PNLIPRP1: variants seen among roughly 807,000 people sequenced by gnomAD.
PNLIPRP1 encodes inactive pancreatic lipase-related protein 1.
In PNLIPRP1, 57 loss-of-function variants were observed where a neutral mutation model predicts 54.6. That is an observed-to-expected ratio of 1.04 (90% CI 0.84 to 1.30). The LOEUF (loss-of-function observed/expected upper bound fraction) is 1.30, where lower values mean the gene tolerates loss of function less well. Among genes scored for constraint, PNLIPRP1 ranks in the 50% most tolerant of loss-of-function variants. The pLI is 0.00. For synonymous variants in PNLIPRP1, 232 were observed against 208.8 expected (o/e 1.11, Z -0.96); for missense variants, 567 against 568.5 (o/e 1.00, Z 0.03).
At position 116,604,081 on chromosome 10, in the gene PNLIPRP1, A is replaced by G. The variant is rs1407961029; in HGVS notation, c.1115A>G (p.Gln372Arg). 2 of 1,613,790 alleles carry G rather than the reference A, an allele frequency of 1.2e-6. No homozygotes were observed. Among genetic ancestry groups the G allele is most frequent in the African/African-American group, 1.3e-5 (1 of 74,922 alleles). Residue 372 changes from glutamine to arginine, a missense_variant, in exon 11 of 13, where the codon CAG (glutamine) becomes CGG (arginine). Coordinates refer to ENST00000358834, the MANE Select transcript of PNLIPRP1 (RefSeq NM_006229.4). ...CTGTCTGGAAGAACAGCCACTGGTC[A>G]GATCAAAGTTGCTTTGTTTGGAAAT... ...ITLSGRTATG[Q>R]IKVALFGNKG...
intron 8 of PNLIPRP1, 54 bp downstream of exon 8, chr10:116,598,220 A>G: frequency 6.7e-7 from 1 of 1,495,470 alleles, no homozygotes; most frequent in Non-Finnish European, 9.0e-7. Context: ...TGGAGTGACC[A>G]ATACCTTTCT....
At chr10:116,607,202 T>TC (rs1248679454) in intron 12 of PNLIPRP1, among the ~76,000 whole-genome samples, 1 of 151,242 alleles carries the variant, frequency 6.6e-6, no homozygotes, top group African/African-American at 2.4e-5. Context: ...AAGGCAGCCC[T>TC]CCCCCTCTTT....
intron 3 of PNLIPRP1, 130 bp from the exon 4 acceptor site, chr10:116,592,286 G>A (rs1285908117): frequency 6.0e-6 from 6 of 993,806 alleles, no homozygotes; most frequent in Non-Finnish European, 8.9e-6. Context: ...ATCAGGGTGG[G>A]CTTCATGGAA....
chr10:116,608,961 C>G, intron 12 of PNLIPRP1, 92 bp from the exon 13 acceptor site: 1 of 665,354 alleles, frequency 1.5e-6, no homozygotes, highest in Non-Finnish European at 2.3e-6. Context: ...TTAAGAAAAA[C>G]CAAACCAAAC....
At chr10:116,592,048 G>A (rs1198285504) in intron 3 of PNLIPRP1, 123 bp downstream of exon 3, 3 of 1,058,806 alleles carry the variant, frequency 2.8e-6, no homozygotes, top group Non-Finnish European at 4.2e-6. Flanking sequence ...CCCTCAAGCT[G>A]CCCCCCAGAC....
intron 3 of PNLIPRP1, 124 bp downstream of exon 3, chr10:116,592,049 C>A (rs1040263318): frequency 5.0e-6 from 5 of 999,258 alleles, no homozygotes; most frequent in South Asian, 4.5e-5. Flanking sequence ...CCTCAAGCTG[C>A]CCCCCAGACC....
At chr10:116,602,177 G>A (rs1554864898) in intron 10 of PNLIPRP1, among the ~76,000 whole-genome samples, 2 of 152,096 alleles carry the variant, frequency 1.3e-5, no homozygotes, top group African/African-American at 4.8e-5. Context: ...CACCATGCCA[G>A]GCTAATTTTT....
chr10:116,601,237 A>G, intron 10 of PNLIPRP1, 36 bp downstream of exon 10: 2 of 1,589,546 alleles, frequency 1.3e-6, no homozygotes, highest in Non-Finnish European at 1.7e-6. Flanking sequence ...CATGTAAAGA[A>G]AGTATATAGT....
chr10:116,594,745 G>T lies in PNLIPRP1; in HGVS notation c.346G>T (p.Glu116Ter). 1 of 1,614,204 alleles carries T rather than the reference G, an allele frequency of 6.2e-7. No homozygotes were observed. The highest frequency in any genetic ancestry group is 8.5e-7 in the Non-Finnish European group (1 of 1,180,036). The change falls in exon 5 of 13, where the codon GAG becomes TAG. Residue 116 changes from glutamate to a stop codon, truncating the protein, a stop_gained. Transcript: ENST00000358834. LOFTEE classifies it high-confidence loss of function. ...TDMCKKLFEVEEVNCICVDWK... is the reference protein window; with the variant it reads ...TDMCKKLFEV ...CCAACACCAGAAACTGTTCGAGGTG[G>T]AGGAGGTGAACTGCATCTGCGTGGA...
rs1564740990 is a variant in PNLIPRP1 at position 116,605,551 on chromosome 10, A to G, written c.1338A>G (p.Thr446=). The change falls in exon 12 of 13, where the codon ACA becomes ACG. Residue 446 remains threonine (T), a splice_region_variant and synonymous_variant. Transcript: ENST00000358834. Reference sequence around the variant, plus strand: ...CTGTGCAAAAGGGAGAAGAGAAGACAGTGTATGTATCTTTGCTGGCTGGTG... The same window carrying G: ...CTGTGCAAAAGGGAGAAGAGAAGACGGTGTATGTATCTTTGCTGGCTGGTG... ...KITVQKGEEK[T]VYNFCSEDTV... 3 of 1,576,054 alleles carry G rather than the reference A, an allele frequency of 1.9e-6. No individual in the cohort carries two copies. Among genetic ancestry groups the G allele is most frequent in the Non-Finnish European group, 2.6e-6 (3 of 1,155,094 alleles).
Position 116,597,898 on chromosome 10 carries a change from C to T in PNLIPRP1, c.645C>T (p.Asp215=), listed in dbSNP as rs781937436. ...TGCGACTTGATCCCTCTGATGCTGACTTTGTTGATGTGATTCACACGGATG... is the reference window on the plus strand; with the variant it reads ...TGCGACTTGATCCCTCTGATGCTGATTTTGTTGATGTGATTCACACGGATG... ...EEVRLDPSDA[D]FVDVIHTDAA... The change falls in exon 7 of 13, where the codon GAC becomes GAT. Residue 215 remains aspartate, a synonymous_variant. Coordinates refer to ENST00000358834, the MANE Select transcript of PNLIPRP1 (RefSeq NM_006229.4). 8 of 1,614,116 alleles carry T rather than the reference C, an allele frequency of 5.0e-6. No homozygotes were observed. The highest frequency in any genetic ancestry group is 6.8e-6 in the Non-Finnish European group (8 of 1,180,050).
In PNLIPRP1 at chr10:116,600,108, C is replaced by A. The variant is rs782154349; in HGVS notation, c.876C>A (p.Ile292=). 3.7e-6 allele frequency: 6 copies of A among 1,613,912 alleles called. No individual in the cohort carries two copies. In the South Asian group the frequency reaches 4.4e-5, roughly 12 times the overall value. The change falls in exon 9 of 13, where the codon ATC becomes ATA. Residue 292 remains isoleucine, a synonymous_variant. Transcript: ENST00000358834. ...GCTACAAGTATTACTTGGAAAGCAT[C>A]CTCAATCCCGATGGGTTTGCTGCAT... ...LRSYKYYLES[I]LNPDGFAAYP...
At chr10:116,591,312 G>C in intron 2 of PNLIPRP1, 134 bp downstream of exon 2, 1 of 674,104 alleles carries the variant, frequency 1.5e-6, no homozygotes, top group Non-Finnish European at 2.5e-6. Flanking sequence ...CTGACACTCT[G>C]CCTGGGAGAG....
chr10:116,595,602 G>T (rs1441882328), intron 5 of PNLIPRP1: 3 of 152,856 alleles, frequency 2.0e-5, no homozygotes, highest in Non-Finnish European at 2.9e-5. Context: ...ACGTCTCTGA[G>T]ATCAACATGT....
intron 3 of PNLIPRP1, 135 bp downstream of exon 3, chr10:116,592,060 T>C: frequency 5.7e-6 from 5 of 870,366 alleles, no homozygotes; most frequent in South Asian, 1.6e-5. Context: ...CCCCCAGACC[T>C]AGCTAGACCT....
Position 116,604,049 on chromosome 10 carries a change from C to T in PNLIPRP1, c.1083C>T (p.Ser361=). The part of the protein sequence containing the change: ...SNFARWRYGV[S]ITLSGRTATG... ...GTGCAGGCTGGAGATATGGGGTTTC[C>T]ATCACACTGTCTGGAAGAACAGCCA... Residue 361 remains serine (S), a synonymous_variant, in exon 11 of 13, where the codon TCC becomes TCT. Coordinates refer to ENST00000358834, the MANE Select transcript of PNLIPRP1 (RefSeq NM_006229.4). 6.2e-7 allele frequency: 1 copy of T among 1,612,854 alleles called. No individual in the cohort carries two copies. Among genetic ancestry groups the T allele is most frequent in the Non-Finnish European group, 8.5e-7 (1 of 1,179,116 alleles).
chr10:116,597,729 T>G, intron 6 of PNLIPRP1, 99 bp from the exon 7 acceptor site: 1 of 1,347,500 alleles, frequency 7.4e-7, no homozygotes. Flanking sequence ...ATGGTACCCA[T>G]TGAGTTGGGC....
chr10:116,604,057 T>C lies in PNLIPRP1; in HGVS notation c.1091T>C (p.Leu364Pro), dbSNP rs782491199. The C allele has an allele frequency of 8.1e-6, 13 of 1,613,394 alleles. No homozygotes were observed. In the African/African-American group the frequency reaches 1.6e-4, roughly 20 times the overall value. Residue 364 changes from leucine to proline, a missense_variant, in exon 11 of 13, where the codon CTG becomes CCG. Coordinates refer to ENST00000358834, the MANE Select transcript of PNLIPRP1 (RefSeq NM_006229.4). ...TGGAGATATGGGGTTTCCATCACAC[T>C]GTCTGGAAGAACAGCCACTGGTCAG... is the stretch of plus-strand genomic sequence containing the variant. The part of the protein sequence containing the change: ...ARWRYGVSIT[L>P]SGRTATGQIK...
chr10:116,601,139 G>A lies in PNLIPRP1; in HGVS notation c.1001G>A (p.Gly334Asp). Residue 334 changes from glycine (G) to aspartate (D), a missense_variant, in exon 10 of 13, where the codon GGC becomes GAC. Physicochemically the swap from Gly to Asp is moderately conservative, Grantham distance 94. Coordinates refer to ENST00000358834, the MANE Select transcript of PNLIPRP1 (RefSeq NM_006229.4). Reference protein sequence around the residue: ...QMGHYADKFAGRTSEEQQKFF... With the variant: ...QMGHYADKFADRTSEEQQKFF... ...GGTCACTATGCTGATAAATTTGCTG[G>A]CAGGACAAGTGAAGAGCAGCAGAAA... is the stretch of plus-strand genomic sequence containing the variant. 6.2e-7 allele frequency: 1 copy of A among 1,614,056 alleles called. No individual in the cohort carries two copies. The highest frequency in any genetic ancestry group is 8.5e-7 in the Non-Finnish European group (1 of 1,179,964).
Sources: allele counts gnomAD v4.1 joint callset (sites outside exome capture counted in the v4.1 genomes callset), GRCh38; gene constraint gnomAD v4.1.1; transcripts MANE v1.5; gene names NCBI Gene and HGNC (gene_info 2026-07-23, HGNC 2026-07-21).